The following EP300 variants were observed in gnomAD, a reference collection of about 807,000 sequenced individuals.
EP300 encodes the protein histone acetyltransferase p300.
Under a neutral mutation model 264.0 loss-of-function variants are expected in EP300, and 31 were observed. That is an observed-to-expected ratio of 0.12 (90% CI 0.09 to 0.16). The LOEUF (loss-of-function observed/expected upper bound fraction) is 0.16, where lower values mean the gene tolerates loss of function less well. Ranked by LOEUF, EP300 falls within the 10% of genes least tolerant of loss-of-function variation. EP300 has a pLI of 1.00. For missense variants in EP300, 2,766 were observed against 3,052.9 expected, an observed-to-expected ratio of 0.91 and a Z score of 2.21; for synonymous variants, 1,340 against 1,045.4, an observed-to-expected ratio of 1.28 and a Z score of -5.44.
At position 41,092,916 on chromosome 22, in the gene EP300, C is replaced by G. The variant is rs1385430171; in HGVS notation, c.-89C>G. On this transcript the variant is annotated 5_prime_UTR_variant, in exon 1 of 31. Transcript: ENST00000263253. ...GTGCCGTCGGAGCCCCCCAGCCCAC[C>G]CCTGGGTGCGGCGCGGGGACCCCGG... 2.0e-6 allele frequency: 3 copies of G among 1,476,466 alleles called. No homozygotes were observed. The highest frequency in any genetic ancestry group is 2.8e-6 in the Non-Finnish European group (3 of 1,055,958). The allele number at this position is 1,476,466 out of a possible 1,614,324, so 91.5% of individuals were successfully genotyped here.
At chr22:41,093,172 T>G in intron 1 of EP300, 74 bp downstream of exon 1, 1 of 1,472,676 alleles carries the variant, frequency 6.8e-7, no homozygotes, top group South Asian at 1.2e-5. Flanking sequence ...TTCTTCCATT[T>G]TTTTTTTCTT....
At chr22:41,140,911 T>C (rs908785719) in intron 9 of EP300, 137 bp from the exon 10 acceptor site, 7 of 793,844 alleles carry the variant, frequency 8.8e-6, no homozygotes, top group African/African-American at 5.2e-5. Flanking sequence ...AGTTGAACTT[T>C]CCTTTCTAAA....
intron 2 of EP300, among the ~76,000 whole-genome samples, chr22:41,120,450 A>G (rs766634488): frequency 7.2e-5 from 11 of 152,200 alleles, no homozygotes; most frequent in Non-Finnish European, 1.5e-4. Context: ...AAGACTTGTG[A>G]TATTTAAGAA....
At chr22:41,154,242 C>T (rs2059063378) in intron 16 of EP300, among the ~76,000 whole-genome samples, 1 of 152,024 alleles carries the variant, frequency 6.6e-6, no homozygotes. Context: ...CTTCTGTGCC[C>T]CTGACTCCTT....
At chr22:41,170,961 C>T (rs1216030873) in intron 27 of EP300, among the ~76,000 whole-genome samples, 1 of 133,308 alleles carries the variant, frequency 7.5e-6, no homozygotes, top group African/African-American at 2.7e-5. Context: ...CCGTGCCCAG[C>T]CTTTTTTTTT....
intron 1 of EP300, among the ~76,000 whole-genome samples, chr22:41,112,081 G>A (rs148936270): frequency 0.011 from 1,589 of 151,250 alleles, 37 homozygotes; most frequent in African/African-American, 0.037. Flanking sequence ...GTAGAGACGG[G>A]GTTTCACTGT....
intron 21 of EP300, among the ~76,000 whole-genome samples, chr22:41,163,163 C>T (rs980229101): frequency 1.2e-4 from 18 of 152,228 alleles, no homozygotes; most frequent in African/African-American, 2.9e-4. Context: ...TGGCCGGGCA[C>T]GGTGGCTCAC....
chr22:41,134,261 T>C (rs1322136935), intron 6 of EP300, among the ~76,000 whole-genome samples: 3 of 152,058 alleles, frequency 2.0e-5, no homozygotes, highest in Non-Finnish European at 2.9e-5. Context: ...TAGATAAGTT[T>C]TCTTAGATAA....
chr22:41,160,368 T>G, intron 19 of EP300: 2 of 425,328 alleles, frequency 4.7e-6, no homozygotes, highest in East Asian at 8.4e-5. Context: ...GTTTGTTTTG[T>G]GTTTTTTTTT....
intron 1 of EP300, among the ~76,000 whole-genome samples, chr22:41,106,718 G>A (rs1372666532): frequency 6.6e-6 from 1 of 152,016 alleles, no homozygotes; most frequent in Non-Finnish European, 1.5e-5. Context: ...TGGGCTAAAT[G>A]ATCCTCCCAC....
At chr22:41,132,068 TG>T (rs2058922851) in intron 6 of EP300, among the ~76,000 whole-genome samples, 1 of 151,514 alleles carries the variant, frequency 6.6e-6, no homozygotes, top group South Asian at 2.1e-4. Context: ...TGGTGGTGCG[TG>T]CCTGTAATCC....
At chr22:41,121,886 A>G (rs2058853958) in intron 2 of EP300, among the ~76,000 whole-genome samples, 1 of 152,172 alleles carries the variant, frequency 6.6e-6, no homozygotes, top group Non-Finnish European at 1.5e-5. Flanking sequence ...TGATAGAATG[A>G]CTTTCATACT....
chr22:41,170,594 G>A (rs1004470611), intron 27 of EP300, 23 bp downstream of exon 27: 7 of 1,611,252 alleles, frequency 4.3e-6, no homozygotes, highest in Non-Finnish European at 5.9e-6. Flanking sequence ...ATAGGGGCCA[G>A]GTGCTGACAA....
chr22:41,144,927 T>A (rs961978651), intron 10 of EP300, among the ~76,000 whole-genome samples: 1 of 152,192 alleles, frequency 6.6e-6, no homozygotes, highest in African/African-American at 2.4e-5. Context: ...CTGGCAGACT[T>A]GACCCCCTTT....
intron 3 of EP300, 150 bp downstream of exon 3, chr22:41,126,190 T>G (rs1428832081): frequency 5.4e-6 from 4 of 738,270 alleles, no homozygotes; most frequent in Non-Finnish European, 6.7e-6. Context: ...GTGAGGAGGC[T>G]TGTGCTTCCT....
chr22:41,176,687 G>A (rs969837883), intron 30 of EP300, 86 bp from the exon 31 acceptor site: 1 of 1,612,756 alleles, frequency 6.2e-7, no homozygotes, highest in Admixed American at 1.7e-5. Context: ...TACGAAAGGG[G>A]CTTTTCTAGC....
At chr22:41,099,591 T>C (rs1438407993) in intron 1 of EP300, among the ~76,000 whole-genome samples, 2 of 152,238 alleles carry the variant, frequency 1.3e-5, no homozygotes, top group African/African-American at 4.8e-5. Context: ...TCCTTCACAA[T>C]TTCATGTATA....
chr22:41,154,843 G>C, intron 16 of EP300, 152 bp from the exon 17 acceptor site: 1 of 654,994 alleles, frequency 1.5e-6, no homozygotes, highest in South Asian at 1.7e-5. Flanking sequence ...TCTAGAATCA[G>C]TGATTGAGCC....
chr22:41,169,008 G>C, intron 25 of EP300, 141 bp downstream of exon 25: 1 of 1,226,734 alleles, frequency 8.2e-7, no homozygotes, highest in Non-Finnish European at 1.2e-6. Context: ...TAATTTTAAA[G>C]TGAAACAGAT....
Sources: allele counts gnomAD v4.1 joint callset (sites outside exome capture counted in the v4.1 genomes callset), GRCh38; gene constraint gnomAD v4.1.1; transcripts MANE v1.5; gene names NCBI Gene and HGNC (gene_info 2026-07-23, HGNC 2026-07-21).